Variants in CERT1 observed in about 807,000 individuals in gnomAD.
CERT1 encodes ceramide transporter 1, also known as ceramide transfer protein.
CERT1 carries 31 observed loss-of-function variants against 87.9 expected under a neutral mutation model. That is an observed-to-expected ratio of 0.35 (90% CI 0.27 to 0.48). The LOEUF (loss-of-function observed/expected upper bound fraction) is 0.48, where lower values mean the gene tolerates loss of function less well. Ranked by LOEUF, CERT1 falls within the 20% of genes least tolerant of loss-of-function variation. The pLI is 0.99. For missense variants in CERT1, 487 were observed against 758.0 expected (o/e 0.64, Z 4.20); for synonymous variants, 289 against 250.9 (o/e 1.15, Z -1.44).
At chr5:75,370,572 G>A (rs1010216072) in intron 17 of CERT1, 3 of 152,000 alleles carry the variant, frequency 2.0e-5, no homozygotes, top group East Asian at 1.9e-4. Context: ...CATTACACAC[G>A]TATGTGTAAT....
intron 11 of CERT1, among the ~76,000 whole-genome samples, chr5:75,393,652 C>T (rs1264846826): frequency 1.7e-5 from 2 of 120,744 alleles, no homozygotes; most frequent in African/African-American, 6.0e-5. Context: ...AAAAACAGCT[C>T]AGATCTCTTT....
chr5:75,384,806 G>A, intron 13 of CERT1, 94 bp from the exon 14 acceptor site: 3 of 784,040 alleles, frequency 3.8e-6, no homozygotes, highest in Non-Finnish European at 6.4e-6. Context: ...TGGACAGTAT[G>A]GTAAATTGAA....
At chr5:75,389,276 A>G (rs1761936160) in intron 12 of CERT1, among the ~76,000 whole-genome samples, 1 of 152,236 alleles carries the variant, frequency 6.6e-6, no homozygotes, top group Admixed American at 6.5e-5. Context: ...AAAAGGAAAT[A>G]TCCAAATACA....
intron 2 of CERT1, among the ~76,000 whole-genome samples, chr5:75,488,261 T>C (rs1766618351): frequency 6.6e-6 from 1 of 152,190 alleles, no homozygotes; most frequent in East Asian, 1.9e-4. Flanking sequence ...TTTACCACGA[T>C]GTGATTATTA....
chr5:75,479,830 T>C (rs1356956957), intron 2 of CERT1, among the ~76,000 whole-genome samples: 2 of 152,196 alleles, frequency 1.3e-5, no homozygotes, highest in East Asian at 3.8e-4. Context: ...CTGGGTTGAA[T>C]GGTAGTTTTG....
intron 12 of CERT1, among the ~76,000 whole-genome samples, chr5:75,387,624 C>A (rs1363118285): frequency 6.6e-6 from 1 of 151,048 alleles, no homozygotes; most frequent in African/African-American, 2.4e-5. Flanking sequence ...TGCCTGTAAT[C>A]CCAGCTACCT....
intron 7 of CERT1, among the ~76,000 whole-genome samples, chr5:75,415,147 A>AAC (rs1226897754): frequency 1.3e-5 from 2 of 152,194 alleles, no homozygotes; most frequent in Non-Finnish European, 2.9e-5. Context: ...TATATATATG[A>AAC]ACACACACAT....
intron 2 of CERT1, among the ~76,000 whole-genome samples, chr5:75,476,982 G>A (rs982601759): frequency 1.7e-4 from 26 of 152,100 alleles, no homozygotes; most frequent in African/African-American, 5.6e-4. Flanking sequence ...AAAACCTTGA[G>A]CTGTTCCTTT....
At chr5:75,381,845 A>G in intron 15 of CERT1, 104 bp downstream of exon 15, 1 of 1,056,008 alleles carries the variant, frequency 9.5e-7, no homozygotes, top group Non-Finnish European at 1.4e-6. Context: ...AAGAACCATT[A>G]TCAAATCAAG....
chr5:75,469,506 T>C (rs943245920), intron 2 of CERT1, among the ~76,000 whole-genome samples: 1 of 152,078 alleles, frequency 6.6e-6, no homozygotes. Flanking sequence ...AGGGACAGTG[T>C]AGTAAAAAGA....
chr5:75,429,200 T>TA (rs35257866), intron 3 of CERT1, among the ~76,000 whole-genome samples: 15,413 of 126,558 alleles, frequency 0.12, 873 homozygotes, highest in African/African-American at 0.15. Context: ...TAATAATAAT[T>TA]ATTATTATTA....
chr5:75,431,204 C>A (rs778295055), intron 3 of CERT1, among the ~76,000 whole-genome samples: 1 of 152,226 alleles, frequency 6.6e-6, no homozygotes, highest in South Asian at 2.1e-4. Flanking sequence ...TTGTCCCTAG[C>A]CCTCCTCCCA....
intron 3 of CERT1, among the ~76,000 whole-genome samples, chr5:75,449,719 A>T (rs556406762): frequency 1.2e-4 from 18 of 150,830 alleles, no homozygotes; most frequent in African/African-American, 4.1e-4. Context: ...TTTTTTTTTT[A>T]AAGCCATTCT....
intron 1 of CERT1, among the ~76,000 whole-genome samples, chr5:75,509,749 C>T (rs181297326): frequency 1.3e-5 from 2 of 152,232 alleles, no homozygotes; most frequent in African/African-American, 4.8e-5. Flanking sequence ...GATGAAACTA[C>T]CAAAATCACT....
rs1766136008 is a variant in CERT1, at chr5:75,479,664, C to T, written c.232-20483G>A. Among the ~76,000 whole-genome samples the T allele has an allele frequency of 2.0e-5, 3 of 152,088 alleles. No homozygotes were observed. In the South Asian group the frequency reaches 6.2e-4, roughly 32 times the overall value. On this transcript the variant is annotated intron_variant, in intron 2 of 16. Transcript: ENST00000643780. ...ATAGTATTCCATGGTGTCTATGTAC[C>T]ACATTTTCTTTATCTAATCTGTCAC... is the stretch of plus-strand genomic sequence containing the variant.
At chr5:75,427,665 T>TG (rs1341236219) in intron 3 of CERT1, among the ~76,000 whole-genome samples, 1 of 152,224 alleles carries the variant, frequency 6.6e-6, no homozygotes, top group Non-Finnish European at 1.5e-5. Flanking sequence ...ATTATATCCT[T>TG]TGACAATATA....
At chr5:75,487,293 A>G (rs990382191) in intron 2 of CERT1, among the ~76,000 whole-genome samples, 6 of 152,084 alleles carry the variant, frequency 3.9e-5, no homozygotes, top group African/African-American at 1.2e-4. Flanking sequence ...GAAGAATGAA[A>G]CTAGACCCCT....
intron 3 of CERT1, among the ~76,000 whole-genome samples, chr5:75,429,204 A>C (rs529055092): frequency 6.7e-6 from 1 of 148,324 alleles, no homozygotes; most frequent in Non-Finnish European, 1.5e-5. Flanking sequence ...AATAATTATT[A>C]TTATTATTAT....
chr5:75,435,263 G>A (rs1056981733), intron 3 of CERT1, among the ~76,000 whole-genome samples: 1 of 152,202 alleles, frequency 6.6e-6, no homozygotes, highest in South Asian at 2.1e-4. Context: ...TTCCTGTGGT[G>A]AATTTTTCAT....
Sources: allele counts gnomAD v4.1 joint callset (sites outside exome capture counted in the v4.1 genomes callset), GRCh38; gene constraint gnomAD v4.1.1; transcripts MANE v1.5; gene names NCBI Gene and HGNC (gene_info 2026-07-23, HGNC 2026-07-21).